COPG1: variants seen among roughly 807,000 people sequenced by gnomAD.
COPG1 encodes the protein coat protein complex I subunit gamma 1, also known as coatomer subunit gamma-1.
Under a neutral mutation model 102.8 loss-of-function variants are expected in COPG1, and 29 were observed. The observed-to-expected ratio is 0.28, with a 90% CI of 0.21 to 0.38. COPG1 has a LOEUF of 0.38. COPG1 is among the 10% of genes least tolerant of loss of function. The pLI, the probability that COPG1 is intolerant of heterozygous loss-of-function variation, is 1.00. For missense variants in COPG1, 875 were observed against 1,132.7 expected (o/e 0.77, Z 3.27); for synonymous variants, 406 against 421.6 (o/e 0.96, Z 0.45).
intron 11 of COPG1, 23 bp downstream of exon 11, chr3:129,260,423 G>A: frequency 6.2e-7 from 1 of 1,610,644 alleles, no homozygotes; most frequent in Non-Finnish European, 8.5e-7. Flanking sequence ...CTTGGGGGTT[G>A]GAGGAAGCTG....
rs756745168 is a variant in COPG1, at chr3:129,260,819, C to T, written c.1128+12C>T. 6 of 1,610,508 alleles carry T rather than the reference C, an allele frequency of 3.7e-6. No homozygotes were observed. The East Asian group carries it at 1.1e-4, about 30-fold the overall frequency. ...CGGATGAATTCAAGGTACCTGCTAC[C>T]CCCAGGACACCCACGGCCCCCAGAG... On this transcript the variant is annotated intron_variant, in intron 12 of 23. Coordinates refer to ENST00000314797, the MANE Select transcript of COPG1 (RefSeq NM_016128.4).
intron 10 of COPG1, 147 bp from the exon 11 acceptor site, chr3:129,260,186 G>A: frequency 1.4e-6 from 1 of 717,330 alleles, no homozygotes; most frequent in South Asian, 1.7e-5. Flanking sequence ...TGCGCAGGGT[G>A]AGGGGAGCTC....
At chr3:129,266,335 T>C (rs887064767) in intron 14 of COPG1, among the ~76,000 whole-genome samples, 2 of 151,932 alleles carry the variant, frequency 1.3e-5, no homozygotes, top group Non-Finnish European at 2.9e-5. Context: ...TGCTATGTTG[T>C]CCAGGCTGGT....
chr3:129,257,957 A>G lies in COPG1; in HGVS notation c.871+97A>G, dbSNP rs1939849304. 10 of 1,494,714 alleles carry G rather than the reference A, an allele frequency of 6.7e-6. No individual in the cohort carries two copies. The South Asian group carries it at 1.1e-4, about 17-fold the overall frequency. The allele number at this position is 1,494,714 out of a possible 1,614,324, so 92.6% of individuals were successfully genotyped here. On this transcript the variant is annotated intron_variant, in intron 10 of 23. Transcript: ENST00000314797. ...AGGAGAAAGAAAGAAAATGCTCTTAACAAGTGTTAAGGAGTCTGTACCTAG... is the reference window on the plus strand; with the variant it reads ...AGGAGAAAGAAAGAAAATGCTCTTAGCAAGTGTTAAGGAGTCTGTACCTAG...
chr3:129,255,165 G>T, intron 7 of COPG1, 88 bp downstream of exon 7: 3 of 833,744 alleles, frequency 3.6e-6, no homozygotes, highest in South Asian at 1.6e-5. Flanking sequence ...AAAAAAGAAA[G>T]TGTTTCTTTC....
At chr3:129,251,158 C>A (rs1171889441) in intron 2 of COPG1, among the ~76,000 whole-genome samples, 1 of 150,780 alleles carries the variant, frequency 6.6e-6, no homozygotes. Flanking sequence ...CTCCTGACCT[C>A]GTGATCCACC....
intron 4 of COPG1, 89 bp downstream of exon 4, chr3:129,252,783 G>A: frequency 6.5e-7 from 1 of 1,541,982 alleles, no homozygotes; most frequent in Non-Finnish European, 8.9e-7. Context: ...ACCAGTCAGT[G>A]TGGGCTGCCT....
At chr3:129,272,955 A>C (rs936906118) in intron 21 of COPG1, 51 bp downstream of exon 21, 1 of 1,051,184 alleles carries the variant, frequency 9.5e-7, no homozygotes, top group African/African-American at 1.6e-5. Flanking sequence ...CTGCAAAGCA[A>C]CTCCCTTCAG....
Position 129,268,480 on chromosome 3 carries a change from T to G in COPG1, c.1649-15T>G. On this transcript the variant is annotated splice_polypyrimidine_tract_variant and intron_variant, in intron 16 of 23. Coordinates refer to ENST00000314797, the MANE Select transcript of COPG1 (RefSeq NM_016128.4). Reference sequence around the variant, plus strand: ...GCTCTATCTGCCAGGCATGGTGACCTCTCTTCACCTCCAGGTCTGACTGTG... The same window carrying G: ...GCTCTATCTGCCAGGCATGGTGACCGCTCTTCACCTCCAGGTCTGACTGTG... The G allele has an allele frequency of 6.2e-7, 1 of 1,613,052 alleles. No homozygotes were observed. Among genetic ancestry groups the G allele is most frequent in the South Asian group, 1.1e-5 (1 of 90,944 alleles).
intron 12 of COPG1, 56 bp downstream of exon 12, chr3:129,260,863 C>T: frequency 1.3e-6 from 2 of 1,559,010 alleles, no homozygotes; most frequent in South Asian, 2.3e-5. Flanking sequence ...TCTGTCCCTG[C>T]TCTCTGTGGC....
chr3:129,257,318 G>C, intron 8 of COPG1, 152 bp from the exon 9 acceptor site: 2 of 758,872 alleles, frequency 2.6e-6, no homozygotes, highest in Non-Finnish European at 4.5e-6. Flanking sequence ...TGTACACAGA[G>C]TACCTGGGGC....
chr3:129,272,208 G>C (rs1225035058), intron 19 of COPG1, 36 bp from the exon 20 acceptor site: 2 of 1,592,086 alleles, frequency 1.3e-6, no homozygotes, highest in Non-Finnish European at 1.7e-6. Flanking sequence ...CTCGGACCTA[G>C]TGCAATGTTT....
intron 3 of COPG1, 27 bp from the exon 4 acceptor site, chr3:129,252,596 C>CTG: frequency 6.3e-7 from 1 of 1,597,556 alleles, no homozygotes. Flanking sequence ...CTGTCCCAAG[C>CTG]TGAGACTTCT....
At chr3:129,269,404 T>C (rs1160321612) in intron 18 of COPG1, among the ~76,000 whole-genome samples, 3 of 152,168 alleles carry the variant, frequency 2.0e-5, no homozygotes, top group African/African-American at 7.2e-5. Flanking sequence ...TCTTCAGGTA[T>C]CCATCTGTCC....
intron 12 of COPG1, among the ~76,000 whole-genome samples, chr3:129,261,778 G>A (rs1248711795): frequency 1.3e-5 from 2 of 152,118 alleles, no homozygotes; most frequent in East Asian, 3.9e-4. Context: ...GTCATGTGGA[G>A]ACTTTCAAAA....
At chr3:129,270,520 A>G (rs1014293219) in intron 18 of COPG1, among the ~76,000 whole-genome samples, 2 of 152,216 alleles carry the variant, frequency 1.3e-5, no homozygotes, top group Non-Finnish European at 2.9e-5. Context: ...AAGAAAATAA[A>G]TATCAATAGA....
intron 23 of COPG1, 37 bp from the exon 24 acceptor site, chr3:129,277,257 C>T: frequency 6.2e-7 from 1 of 1,611,392 alleles, no homozygotes; most frequent in Non-Finnish European, 8.5e-7. Context: ...ACAGTCCCTT[C>T]TGCTGTATAT....
rs1940178581 is a variant in COPG1, at chr3:129,271,414, G to GAATCCTTGCTGCGGTAGGGGGCGGA, written c.1844-342_1844-318dup. ...TTTCCTAATTGTCACCTTCTTTTAA[G>GAATCCTTGCTGCGGTAGGGGGCGGA]AATCCTTGCTGCGGTAGGGGGCGGA... is the stretch of plus-strand genomic sequence containing the variant. On this transcript the variant is annotated intron_variant, in intron 18 of 23. Coordinates refer to ENST00000314797, the MANE Select transcript of COPG1 (RefSeq NM_016128.4). The surrounding 1 kb of genome is among the most constrained non-coding windows in gnomAD (Gnocchi z 4.7). Among the ~76,000 whole-genome samples the GAATCCTTGCTGCGGTAGGGGGCGGA allele has an allele frequency of 6.6e-6, 1 of 152,162 alleles. No individual in the cohort carries two copies. Among genetic ancestry groups the GAATCCTTGCTGCGGTAGGGGGCGGA allele is most frequent in the African/African-American group, 2.4e-5 (1 of 41,410 alleles).
In COPG1 at chr3:129,267,478, A is replaced by G. The variant is rs535395306; in HGVS notation, c.1544+379A>G. The stretch of plus-strand genomic sequence containing the variant: ...CTACTACAAATATAAAAAATTAGCC[A>G]GGTGTGGTGGCGGGTGCCTGTAGTC... On this transcript the variant is annotated intron_variant, in intron 15 of 23. Coordinates refer to ENST00000314797, the MANE Select transcript of COPG1 (RefSeq NM_016128.4). Among the ~76,000 whole-genome samples the G allele has an allele frequency of 2.6e-5, 4 of 152,200 alleles. No homozygotes were observed. The East Asian group carries it at 7.7e-4, about 29-fold the overall frequency.
Sources: allele counts gnomAD v4.1 joint callset (sites outside exome capture counted in the v4.1 genomes callset), GRCh38; gene constraint gnomAD v4.1.1; non-coding constraint Gnocchi (gnomAD v3.1); transcripts MANE v1.5; gene names NCBI Gene and HGNC (gene_info 2026-07-23, HGNC 2026-07-21).